DLGAP2: variants seen among roughly 807,000 people sequenced by gnomAD.
The protein encoded by DLGAP2 is DLG associated protein 2.
DLGAP2 carries 26 observed loss-of-function variants against 100.3 expected under a neutral mutation model. That is an observed-to-expected ratio of 0.26 (90% confidence interval 0.19 to 0.36). The LOEUF is 0.36. Among genes scored for constraint, DLGAP2 ranks in the 10% least tolerant of loss-of-function variants. The pLI, the probability that DLGAP2 is intolerant of heterozygous loss-of-function variation, is 1.00. For missense variants in DLGAP2, 1,858 were observed against 1,453.2 expected, an observed-to-expected ratio of 1.28 and a Z score of -4.53; for synonymous variants, 886 against 630.1, an observed-to-expected ratio of 1.41 and a Z score of -6.08.
At chr8:1,630,925 G>A (rs571346721) in intron 7 of DLGAP2, among the ~76,000 whole-genome samples, 4 of 142,542 alleles carry the variant, frequency 2.8e-5, no homozygotes. Flanking sequence ...CGGGAGGTCC[G>A]GGTGTCCCGA....
intron 2 of DLGAP2, among the ~76,000 whole-genome samples, chr8:1,039,092 T>C (rs1802217963): frequency 6.6e-6 from 1 of 152,200 alleles, no homozygotes; most frequent in Admixed American, 6.5e-5. Flanking sequence ...ATCACCTCAT[T>C]GGAGCAAACT....
At chr8:1,376,742 CA>C (rs1795939473) in intron 3 of DLGAP2, among the ~76,000 whole-genome samples, 4 of 146,314 alleles carry the variant, frequency 2.7e-5, no homozygotes, top group African/African-American at 5.0e-5. Context: ...GATGTGTGGT[CA>C]TCGGCGGATG....
intron 1 of DLGAP2, among the ~76,000 whole-genome samples, chr8:861,688 C>T (rs570174750): frequency 6.6e-6 from 1 of 152,344 alleles, no homozygotes; most frequent in South Asian, 2.1e-4. Flanking sequence ...ACATATTTCA[C>T]AGTGTTAGCT....
intron 3 of DLGAP2, among the ~76,000 whole-genome samples, chr8:1,467,306 C>T (rs918685920): frequency 2.6e-5 from 4 of 151,968 alleles, no homozygotes; most frequent in African/African-American, 9.7e-5. Flanking sequence ...TCCTTATGGT[C>T]CTCCTGCAGT....
intron 2 of DLGAP2, among the ~76,000 whole-genome samples, chr8:1,126,977 T>C (rs1796179570): frequency 6.7e-6 from 1 of 149,274 alleles, no homozygotes; most frequent in Non-Finnish European, 1.5e-5. Context: ...GCTCTTAAAC[T>C]GTCCTTCTGC....
chr8:1,662,859 C>T (rs57829578), intron 8 of DLGAP2, among the ~76,000 whole-genome samples: 90 of 146,864 alleles, frequency 6.1e-4, no homozygotes, highest in African/African-American at 2.3e-3. Context: ...TGTGTGTACA[C>T]GTGTGAGTGT....
intron 3 of DLGAP2, among the ~76,000 whole-genome samples, chr8:1,455,257 T>C (rs958076445): frequency 1.3e-5 from 2 of 152,128 alleles, no homozygotes; most frequent in Admixed American, 6.5e-5. Context: ...TGCAGGTGGG[T>C]CCCGCCCATC....
In DLGAP2 at chr8:806,722, T is replaced by A. The variant is rs1368584426; in HGVS notation, c.18+68897T>A. The stretch of plus-strand genomic sequence containing the variant: ...GAAGTCGTGATGGATTAAACACCAT[T>A]TGCTTCGCGTAACCATTGTTGAGTG... On this transcript the variant is annotated intron_variant, in intron 1 of 14. Transcript: ENST00000637795. 2.6e-5 allele frequency among the ~76,000 whole-genome samples: 4 copies of A among 152,232 alleles called. No individual in the cohort carries two copies. In the South Asian group the frequency reaches 8.3e-4, roughly 32 times the overall value.
intron 2 of DLGAP2, among the ~76,000 whole-genome samples, chr8:1,037,141 G>A (rs981918965): frequency 6.6e-6 from 1 of 152,126 alleles, no homozygotes; most frequent in Admixed American, 6.5e-5. Flanking sequence ...AGGAATCCGA[G>A]GTGGATTCAG....
intron 3 of DLGAP2, among the ~76,000 whole-genome samples, chr8:1,500,272 G>A (rs950005679): frequency 6.6e-6 from 1 of 152,216 alleles, no homozygotes; most frequent in African/African-American, 2.4e-5. Flanking sequence ...CACTGTGGCT[G>A]GTGTCGGGCA....
At chr8:1,200,284 C>T (rs968940355) in intron 2 of DLGAP2, among the ~76,000 whole-genome samples, 4 of 152,214 alleles carry the variant, frequency 2.6e-5, no homozygotes, top group East Asian at 3.9e-4. Context: ...CCGTCTCCAG[C>T]CTCTTGCTCC....
intron 6 of DLGAP2, among the ~76,000 whole-genome samples, chr8:1,620,079 A>T (rs899170777): frequency 1.3e-5 from 2 of 152,104 alleles, no homozygotes; most frequent in African/African-American, 2.4e-5. Context: ...GCCTTTCTCA[A>T]ATCGCCTGTC....
chr8:1,694,756 G>A (rs926198379), intron 13 of DLGAP2, among the ~76,000 whole-genome samples: 23 of 152,314 alleles, frequency 1.5e-4, no homozygotes, highest in African/African-American at 5.3e-4. Context: ...GGATGCCAGA[G>A]CCACAGAGCT....
intron 3 of DLGAP2, among the ~76,000 whole-genome samples, chr8:1,448,929 G>T (rs986727795): frequency 3.9e-4 from 59 of 152,320 alleles, no homozygotes; most frequent in African/African-American, 1.4e-3. Flanking sequence ...TGCAGCCGCT[G>T]CTGGGCCTTC....
At chr8:1,359,060 G>C (rs1801918055) in intron 3 of DLGAP2, among the ~76,000 whole-genome samples, 1 of 152,192 alleles carries the variant, frequency 6.6e-6, no homozygotes, top group East Asian at 1.9e-4. Context: ...TCGGGGTGGG[G>C]CCCACGATTC....
chr8:918,762 G>A (rs1563094991), intron 2 of DLGAP2, among the ~76,000 whole-genome samples: 1 of 152,168 alleles, frequency 6.6e-6, no homozygotes, highest in African/African-American at 2.4e-5. Context: ...AGACATAGAG[G>A]CACGTAGACA....
chr8:881,136 G>T (rs1191443834), intron 1 of DLGAP2, among the ~76,000 whole-genome samples: 11 of 152,208 alleles, frequency 7.2e-5, no homozygotes, highest in Admixed American at 7.2e-4. Flanking sequence ...CTTACTTATT[G>T]CAAAGTAGAA....
At chr8:1,227,319 T>C (rs1003572069) in intron 2 of DLGAP2, among the ~76,000 whole-genome samples, 18 of 150,954 alleles carry the variant, frequency 1.2e-4, no homozygotes, top group African/African-American at 4.4e-4. Context: ...CGATCATTGT[T>C]GGTTTAAAGT....
chr8:1,289,396 T>C (rs920145305), intron 3 of DLGAP2, among the ~76,000 whole-genome samples: 11 of 152,232 alleles, frequency 7.2e-5, no homozygotes, highest in Admixed American at 7.2e-4. Flanking sequence ...TCAATTCCAC[T>C]GTTAGTTCAG....
Sources: gnomAD v4.1 joint callset for allele counts (sites outside exome capture counted in the v4.1 genomes callset) on GRCh38, gnomAD v4.1.1 for gene constraint, MANE v1.5 for transcripts, NCBI Gene and HGNC (gene_info 2026-07-23, HGNC 2026-07-21) for gene names.